The following MACROD2 variants were observed in gnomAD, a reference collection of about 807,000 sequenced individuals.
MACROD2 encodes the protein ADP-ribose glycohydrolase MACROD2.
MACROD2 carries 36 observed loss-of-function variants against 70.4 expected under a neutral mutation model. That is an observed-to-expected ratio of 0.51 (90% CI 0.39 to 0.68). The LOEUF (loss-of-function observed/expected upper bound fraction) is 0.68, where lower values mean the gene tolerates loss of function less well. Ranked by LOEUF, MACROD2 falls within the 30% of genes least tolerant of loss-of-function variation. The pLI, the probability that MACROD2 is intolerant of heterozygous loss-of-function variation, is 0.00. For synonymous variants in MACROD2, 172 were observed against 178.8 expected, an observed-to-expected ratio of 0.96 and a Z score of 0.30; for missense variants, 496 against 538.4, an observed-to-expected ratio of 0.92 and a Z score of 0.78.
At chr20:15,401,847 G>T (rs1021664333) in intron 6 of MACROD2, among the ~76,000 whole-genome samples, 1 of 152,162 alleles carries the variant, frequency 6.6e-6, no homozygotes, top group Non-Finnish European at 1.5e-5. Flanking sequence ...GACCTTGGGG[G>T]AATGATCCCA....
intron 8 of MACROD2, among the ~76,000 whole-genome samples, chr20:15,607,936 G>C (rs2048916505): frequency 6.6e-6 from 1 of 152,196 alleles, no homozygotes; most frequent in South Asian, 2.1e-4. Flanking sequence ...TCCAGAGATG[G>C]AATTCAAGAA....
chr20:14,321,494 A>G (rs1397625788), intron 3 of MACROD2, among the ~76,000 whole-genome samples: 1 of 152,234 alleles, frequency 6.6e-6, no homozygotes, highest in Non-Finnish European at 1.5e-5. Context: ...TCCCAAAACA[A>G]AAAGTACGGT....
intron 5 of MACROD2, among the ~76,000 whole-genome samples, chr20:15,006,897 T>C (rs1159623761): frequency 6.6e-6 from 1 of 152,176 alleles, no homozygotes; most frequent in Non-Finnish European, 1.5e-5. Flanking sequence ...AACCTGTTTA[T>C]GTCAACTGAC....
Position 13,995,839 on chromosome 20 carries a change from G to A in MACROD2, c.46+30G>A. On this transcript the variant is annotated intron_variant, in intron 1 of 17. Transcript: ENST00000684519. This position sits in a 1 kb window ranked among gnomAD's most constrained non-coding sequence, Gnocchi z 4.3. The stretch of plus-strand genomic sequence containing the variant: ...CCGGCCCGTCGAGTCCTGGGGGTGC[G>A]GGCGGTGGGGGTTAGGGTGGGGGCG... 2.6e-6 allele frequency: 4 copies of A among 1,546,692 alleles called. No homozygotes were observed. The highest frequency in any genetic ancestry group is 3.5e-6 in the Non-Finnish European group (4 of 1,143,490).
intron 4 of MACROD2, among the ~76,000 whole-genome samples, chr20:14,536,626 GGTGTGTGTGTGTGTGTGTGT>G (rs11471542): frequency 4.3e-5 from 6 of 139,164 alleles, no homozygotes; most frequent in Non-Finnish European, 9.8e-5. Flanking sequence ...AGGTAACATT[GGTGTGTGTGTGTGTGTGTGT>G]GTGTGTGTGT....
At chr20:14,462,308 G>T (rs1383473299) in intron 3 of MACROD2, among the ~76,000 whole-genome samples, 2 of 152,056 alleles carry the variant, frequency 1.3e-5, no homozygotes, top group Non-Finnish European at 2.9e-5. Flanking sequence ...TTTTTCATGT[G>T]TTTTTTGGCT....
intron 3 of MACROD2, among the ~76,000 whole-genome samples, chr20:14,093,458 G>A (rs187906480): frequency 6.6e-6 from 1 of 152,104 alleles, no homozygotes; most frequent in East Asian, 1.9e-4. Context: ...GAACTAGATT[G>A]TCTATACGTG....
intron 5 of MACROD2, among the ~76,000 whole-genome samples, chr20:15,108,073 C>T (rs1256770449): frequency 6.6e-6 from 1 of 151,290 alleles, no homozygotes; most frequent in East Asian, 2.0e-4. Flanking sequence ...AGAGCACAGA[C>T]TTTGGACTCA....
intron 9 of MACROD2, among the ~76,000 whole-genome samples, chr20:15,865,212 A>G (rs1388728318): frequency 6.6e-6 from 1 of 152,166 alleles, no homozygotes; most frequent in Non-Finnish European, 1.5e-5. Context: ...TGTAAATTTT[A>G]TAATTGGGAA....
chr20:15,417,776 C>A (rs2046175627), intron 6 of MACROD2, among the ~76,000 whole-genome samples: 1 of 151,870 alleles, frequency 6.6e-6, no homozygotes, highest in African/African-American at 2.4e-5. Context: ...GATTCTGATG[C>A]AGCTAAAGTT....
chr20:15,580,244 CCTT>C (rs1162473297), intron 8 of MACROD2, among the ~76,000 whole-genome samples: 1 of 152,196 alleles, frequency 6.6e-6, no homozygotes, highest in Non-Finnish European at 1.5e-5. Flanking sequence ...TGAAGTCACA[CCTT>C]CTGCCTCCTT....
intron 3 of MACROD2, among the ~76,000 whole-genome samples, chr20:14,183,611 T>C (rs1440097243): frequency 6.6e-6 from 1 of 152,060 alleles, no homozygotes; most frequent in Non-Finnish European, 1.5e-5. Context: ...ACAACCACAG[T>C]GGTTGAAGTA....
intron 12 of MACROD2, among the ~76,000 whole-genome samples, chr20:15,945,946 C>T (rs1483249350): frequency 2.6e-5 from 4 of 152,078 alleles, no homozygotes; most frequent in African/African-American, 9.7e-5. Flanking sequence ...CATGGGAACC[C>T]TGCAACCTGT....
chr20:15,788,443 T>G (rs1054277485), intron 8 of MACROD2, among the ~76,000 whole-genome samples: 2 of 151,972 alleles, frequency 1.3e-5, no homozygotes, highest in Admixed American at 1.3e-4. Flanking sequence ...ACATGTGATT[T>G]AAAATATCTA....
At chr20:14,278,377 A>G (rs1284391813) in intron 3 of MACROD2, among the ~76,000 whole-genome samples, 2 of 152,122 alleles carry the variant, frequency 1.3e-5, no homozygotes. Flanking sequence ...CAGTGGTGAG[A>G]GGCAGGTTAT....
chr20:14,279,529 C>T (rs1382111369), intron 3 of MACROD2, among the ~76,000 whole-genome samples: 2 of 152,068 alleles, frequency 1.3e-5, no homozygotes, highest in Non-Finnish European at 2.9e-5. Flanking sequence ...AGATAATTTA[C>T]TTGCTTTTGC....
intron 6 of MACROD2, among the ~76,000 whole-genome samples, chr20:15,400,464 G>C (rs2045914561): frequency 6.6e-6 from 1 of 152,152 alleles, no homozygotes; most frequent in African/African-American, 2.4e-5. Context: ...ATTTGGGGTT[G>C]AGCATTTTAT....
At chr20:14,998,507 C>T (rs888134443) in intron 5 of MACROD2, among the ~76,000 whole-genome samples, 2 of 152,088 alleles carry the variant, frequency 1.3e-5, no homozygotes, top group Admixed American at 1.3e-4. Flanking sequence ...AGTCTCTCAA[C>T]AGCAGAACTG....
chr20:14,852,380 T>C lies in MACROD2; in HGVS notation c.418+167421T>C, dbSNP rs995986141. Reference sequence around the variant, plus strand: ...AGAAAGAATAGTTTTATTAGAGTGATGATAAGCCATAGATCATGGGAAAAA... The same window carrying C: ...AGAAAGAATAGTTTTATTAGAGTGACGATAAGCCATAGATCATGGGAAAAA... On this transcript the variant is annotated intron_variant, in intron 5 of 17. Transcript: ENST00000684519. Among the ~76,000 whole-genome samples, 20 of 152,140 alleles carry C rather than the reference T, an allele frequency of 1.3e-4. No homozygotes were observed. The East Asian group carries it at 3.7e-3, about 28-fold the overall frequency.
Sources: gnomAD v4.1 joint callset for allele counts (sites outside exome capture counted in the v4.1 genomes callset) on GRCh38, gnomAD v4.1.1 for gene constraint, Gnocchi (gnomAD v3.1) non-coding constraint, MANE v1.5 for transcripts, NCBI Gene and HGNC (gene_info 2026-07-23, HGNC 2026-07-21) for gene names.